The following DAOA variants were observed in gnomAD, a reference collection of about 807,000 sequenced individuals.
The protein encoded by DAOA is D-amino acid oxidase regulator.
A neutral mutation model predicts 16.4 loss-of-function variants in DAOA; 15 were observed. That is an observed-to-expected ratio of 0.91 (90% confidence interval 0.61 to 1.41). DAOA has a LOEUF of 1.41. Ranked by LOEUF, DAOA falls within the 40% of genes most tolerant of loss-of-function variation. DAOA has a pLI of 0.00. For synonymous variants in DAOA, 75 were observed against 59.1 expected (o/e 1.27, Z -1.23); for missense variants, 230 against 176.8 (o/e 1.30, Z -1.71).
At chr13:105,473,535 T>C (rs1396502142) in intron 4 of DAOA, among the ~76,000 whole-genome samples, 1 of 152,168 alleles carries the variant, frequency 6.6e-6, no homozygotes, top group African/African-American at 2.4e-5. Context: ...CTTTCATGTT[T>C]TATCTGAGGC....
At chr13:105,483,867 G>A (rs1251562029) in intron 4 of DAOA, among the ~76,000 whole-genome samples, 2 of 151,754 alleles carry the variant, frequency 1.3e-5, no homozygotes, top group Non-Finnish European at 2.9e-5. Flanking sequence ...TTGTTGTTGC[G>A]ATTGTTTAAT....
At chr13:105,479,072 A>C (rs1023152156) in intron 4 of DAOA, among the ~76,000 whole-genome samples, 2 of 152,218 alleles carry the variant, frequency 1.3e-5, no homozygotes, top group Non-Finnish European at 1.5e-5. Flanking sequence ...AGTGGTGCAC[A>C]GGACCATTTA....
chr13:105,485,856 C>T (rs1230335072), intron 4 of DAOA, among the ~76,000 whole-genome samples: 1 of 152,150 alleles, frequency 6.6e-6, no homozygotes, highest in Non-Finnish European at 1.5e-5. Flanking sequence ...ACAGATTTTC[C>T]CCTAAAGTCT....
At chr13:105,485,825 A>T (rs1252056891) in intron 4 of DAOA, among the ~76,000 whole-genome samples, 1 of 152,194 alleles carries the variant, frequency 6.6e-6, no homozygotes, top group Admixed American at 6.5e-5. Context: ...GCAACACTGG[A>T]AGCTAAGAGA....
chr13:105,469,680 A>G (rs1876790414), intron 3 of DAOA, among the ~76,000 whole-genome samples: 1 of 152,192 alleles, frequency 6.6e-6, no homozygotes, highest in African/African-American at 2.4e-5. Flanking sequence ...AGTAAATTCA[A>G]ATGGTCTTTT....
At chr13:105,475,124 C>A in intron 4 of DAOA, 1 of 846,824 alleles carries the variant, frequency 1.2e-6, no homozygotes, top group Non-Finnish European at 1.4e-6. Flanking sequence ...GAAGTGAAGT[C>A]AGCCTTAGAA....
chr13:105,468,329 A>C (rs1200768503), intron 3 of DAOA, among the ~76,000 whole-genome samples: 1 of 152,198 alleles, frequency 6.6e-6, no homozygotes, highest in East Asian at 1.9e-4. Context: ...TGCCTACCAC[A>C]GCCCTTGATA....
At chr13:105,473,599 A>C (rs1877143306) in intron 4 of DAOA, among the ~76,000 whole-genome samples, 1 of 152,154 alleles carries the variant, frequency 6.6e-6, no homozygotes, top group South Asian at 2.1e-4. Context: ...TGCCACGCAA[A>C]AAAAGTATAG....
chr13:105,479,048 A>G (rs1877532390), intron 4 of DAOA, among the ~76,000 whole-genome samples: 1 of 152,196 alleles, frequency 6.6e-6, no homozygotes, highest in Non-Finnish European at 1.5e-5. Flanking sequence ...TTTTGTTCAG[A>G]GTTCTCAGAA....
intron 4 of DAOA, among the ~76,000 whole-genome samples, chr13:105,488,388 G>A (rs962814158): frequency 1.1e-4 from 17 of 152,032 alleles, no homozygotes; most frequent in African/African-American, 3.9e-4. Context: ...TTTTCATCCC[G>A]TTCTGATTTT....
intron 4 of DAOA, among the ~76,000 whole-genome samples, chr13:105,486,345 C>A (rs1458015175): frequency 2.0e-5 from 3 of 152,100 alleles, no homozygotes; most frequent in Non-Finnish European, 2.9e-5. Flanking sequence ...TTTCCCCAAA[C>A]CCACCTGCTT....
At chr13:105,485,025 G>T (rs988489298) in intron 4 of DAOA, among the ~76,000 whole-genome samples, 2 of 152,114 alleles carry the variant, frequency 1.3e-5, no homozygotes, top group African/African-American at 2.4e-5. Flanking sequence ...TTATGGCAGG[G>T]TTAGTCTGGT....
chr13:105,478,063 T>TACAGAC (rs1877463576), intron 4 of DAOA, among the ~76,000 whole-genome samples: 1 of 152,208 alleles, frequency 6.6e-6, no homozygotes, highest in Non-Finnish European at 1.5e-5. Context: ...TGAAATATAT[T>TACAGAC]TGGTTTCTTG....
At chr13:105,471,167 C>T (rs920504882) in intron 3 of DAOA, among the ~76,000 whole-genome samples, 4 of 152,112 alleles carry the variant, frequency 2.6e-5, no homozygotes, top group African/African-American at 4.8e-5. Context: ...TCAGGTGATC[C>T]GCCCCCCTTG....
intron 4 of DAOA, among the ~76,000 whole-genome samples, chr13:105,483,515 C>T (rs537445131): frequency 1.8e-3 from 268 of 152,274 alleles, no homozygotes; most frequent in South Asian, 3.5e-3. Context: ...CTCACCAACA[C>T]TTGATATGGT....
intron 4 of DAOA, chr13:105,475,184 T>A: frequency 3.6e-6 from 1 of 277,196 alleles, no homozygotes; most frequent in Non-Finnish European, 5.5e-6. Context: ...CACTCTCATT[T>A]AATATATCCA....
chr13:105,469,225 T>G (rs929473633), intron 3 of DAOA, among the ~76,000 whole-genome samples: 2 of 152,326 alleles, frequency 1.3e-5, no homozygotes, highest in East Asian at 1.9e-4. Flanking sequence ...ATTTTCCTTA[T>G]GTTCTCTTAT....
chr13:105,484,712 T>C (rs1026155149), intron 4 of DAOA, among the ~76,000 whole-genome samples: 4 of 152,304 alleles, frequency 2.6e-5, no homozygotes, highest in African/African-American at 7.2e-5. Context: ...TTTTTGTATG[T>C]TTCATAGTTA....
At chr13:105,489,756 A>T in intron 4 of DAOA, 145 bp from the exon 5 acceptor site, 1 of 1,533,566 alleles carries the variant, frequency 6.5e-7, no homozygotes, top group Non-Finnish European at 8.8e-7. Flanking sequence ...TGGTGGTCAC[A>T]CATTTGTATA....
Sources: allele counts gnomAD v4.1 joint callset (sites outside exome capture counted in the v4.1 genomes callset), GRCh38; gene constraint gnomAD v4.1.1; transcripts MANE v1.5; gene names NCBI Gene and HGNC (gene_info 2026-07-23, HGNC 2026-07-21).